The following ADGRL2 variants were observed in gnomAD, a reference collection of about 807,000 sequenced individuals.
The protein encoded by ADGRL2 is adhesion G protein-coupled receptor L2.
A neutral mutation model predicts 157.4 loss-of-function variants in ADGRL2; 44 were observed. The observed-to-expected ratio is 0.28, with a 90% CI of 0.22 to 0.36. The LOEUF (loss-of-function observed/expected upper bound fraction) is 0.36, where lower values mean the gene tolerates loss of function less well. Ranked by LOEUF, ADGRL2 falls within the 10% of genes least tolerant of loss-of-function variation. ADGRL2 has a pLI of 1.00. For synonymous variants in ADGRL2, 585 were observed against 624.7 expected, an observed-to-expected ratio of 0.94 and a Z score of 0.95; for missense variants, 1,510 against 1,768.9, an observed-to-expected ratio of 0.85 and a Z score of 2.63.
chr1:81,417,697 A>G (rs1270814418), intron 1 of ADGRL2, among the ~76,000 whole-genome samples: 2 of 152,172 alleles, frequency 1.3e-5, no homozygotes, highest in Admixed American at 6.5e-5. Context: ...GTTATTTCAT[A>G]ATTTCAGTTC....
intron 2 of ADGRL2, among the ~76,000 whole-genome samples, chr1:81,487,724 C>A (rs2078539307): frequency 6.6e-6 from 1 of 151,906 alleles, no homozygotes; most frequent in Non-Finnish European, 1.5e-5. Context: ...ATTGTATATT[C>A]AATAATGCTG....
At chr1:81,660,531 A>G (rs2082628966) in intron 3 of ADGRL2, among the ~76,000 whole-genome samples, 1 of 152,126 alleles carries the variant, frequency 6.6e-6, no homozygotes, top group Non-Finnish European at 1.5e-5. Context: ...CCACATCCAC[A>G]TTCAATCTCC....
intron 3 of ADGRL2, among the ~76,000 whole-genome samples, chr1:81,645,195 G>C (rs1328337313): frequency 1.3e-5 from 2 of 151,844 alleles, no homozygotes; most frequent in Admixed American, 6.6e-5. Flanking sequence ...TTCAAGACCA[G>C]CCTGGGCAAC....
At chr1:81,437,052 T>C (rs556111047) in intron 1 of ADGRL2, among the ~76,000 whole-genome samples, 3 of 152,362 alleles carry the variant, frequency 2.0e-5, no homozygotes, top group East Asian at 1.9e-4. Flanking sequence ...GTAGTAATGA[T>C]AACTAATCCC....
intron 1 of ADGRL2, among the ~76,000 whole-genome samples, chr1:81,320,925 C>A (rs985732563): frequency 1.3e-5 from 2 of 152,206 alleles, no homozygotes; most frequent in Admixed American, 6.5e-5. Context: ...TGAAGCCAAG[C>A]ATCGACTTCT....
intron 2 of ADGRL2, among the ~76,000 whole-genome samples, chr1:81,766,487 A>G (rs933238078): frequency 4.6e-5 from 7 of 152,136 alleles, no homozygotes; most frequent in Non-Finnish European, 1.0e-4. Flanking sequence ...TTCCTTTACA[A>G]TTCTAAAAAA....
At chr1:81,677,233 C>T (rs1157737448) in intron 3 of ADGRL2, among the ~76,000 whole-genome samples, 2 of 152,170 alleles carry the variant, frequency 1.3e-5, no homozygotes, top group Non-Finnish European at 2.9e-5. Context: ...GATCTGCCTG[C>T]CTCGGCCTCC....
chr1:81,492,915 G>A (rs2078662492), intron 2 of ADGRL2, among the ~76,000 whole-genome samples: 1 of 152,136 alleles, frequency 6.6e-6, no homozygotes, highest in South Asian at 2.1e-4. Flanking sequence ...GAATAGAAGA[G>A]TATGTGAGTG....
At chr1:81,530,845 G>T (rs1008470441) in intron 2 of ADGRL2, among the ~76,000 whole-genome samples, 1 of 152,092 alleles carries the variant, frequency 6.6e-6, no homozygotes, top group African/African-American at 2.4e-5. Context: ...AGCACTTTGG[G>T]AGGCCAAGGC....
At chr1:81,697,412 T>C (rs1400612331), upstream of ADGRL2, among the ~76,000 whole-genome samples, 2 of 152,188 alleles carry the variant, frequency 1.3e-5, no homozygotes, top group Non-Finnish European at 2.9e-5. Flanking sequence ...TTGTTGCCAA[T>C]CTGAAGAGAG....
In ADGRL2 at chr1:81,986,922, T is replaced by C. The variant is rs1238678092; in HGVS notation, c.3530T>C (p.Leu1177Pro). ...LNQGMTGNYLLTNPLLRPHGT... is the reference protein window; with the variant it reads ...LNQGMTGNYLPTNPLLRPHGT... ...TTAGGAATGACTGGCAATTACCTAC[T>C]AACAAACCCTCTTCTTCGACCCCAC... Residue 1177 changes from leucine (L) to proline (P), a missense_variant, in exon 22 of 24, where the codon CTA (leucine) becomes CCA (proline). Around this residue, in one of 4 missense-constraint regions of ADGRL2, gnomAD observed 497 missense variants for 627.2 expected, o/e 0.79. Coordinates refer to ENST00000686636, the MANE Select transcript of ADGRL2 (RefSeq NM_001366006.2). 8.1e-6 allele frequency: 13 copies of C among 1,610,738 alleles called. No homozygotes were observed. The highest frequency in any genetic ancestry group is 2.2e-5 in the East Asian group (1 of 44,808).
At chr1:81,672,342 T>C (rs533911045) in intron 3 of ADGRL2, among the ~76,000 whole-genome samples, 1 of 152,320 alleles carries the variant, frequency 6.6e-6, no homozygotes, top group South Asian at 2.1e-4. Flanking sequence ...TGTTGCTTTC[T>C]TGGATGGATG....
At chr1:81,955,842 G>A (rs765004263) in intron 10 of ADGRL2, 35 bp from the exon 11 acceptor site, 27 of 1,409,262 alleles carry the variant, frequency 1.9e-5, no homozygotes, top group Admixed American at 2.4e-5. Flanking sequence ...TTCTAAAAGC[G>A]GTCAAAACTA....
chr1:81,557,486 A>AAAGAAAG (rs1557458996), intron 2 of ADGRL2: 21 of 101,370 alleles, frequency 2.1e-4, no homozygotes, highest in Non-Finnish European at 2.7e-4. Context: ...AAGAAAGAAG[A>AAAGAAAG]AAGAAAGAAA....
intron 2 of ADGRL2, among the ~76,000 whole-genome samples, chr1:81,870,038 T>TA (rs145362084): frequency 0.27 from 41,142 of 151,964 alleles, 6,340 homozygotes; most frequent in Middle Eastern, 0.51. Flanking sequence ...AAATAACACT[T>TA]AAAGACTTAG....
chr1:81,920,874 CAAA>C (rs370702752), intron 3 of ADGRL2, among the ~76,000 whole-genome samples: 2 of 147,496 alleles, frequency 1.4e-5, no homozygotes, highest in African/African-American at 5.0e-5. Context: ...AAAAAAAAAA[CAAA>C]AAAAAAGCCC....
intron 1 of ADGRL2, among the ~76,000 whole-genome samples, chr1:81,414,944 T>C (rs2077008504): frequency 6.6e-6 from 1 of 152,204 alleles, no homozygotes; most frequent in Non-Finnish European, 1.5e-5. Flanking sequence ...TCATCTTCCG[T>C]TTCCCATCTG....
chr1:81,465,639 C>G (rs1046624114), intron 2 of ADGRL2, among the ~76,000 whole-genome samples: 4 of 152,078 alleles, frequency 2.6e-5, no homozygotes, highest in Admixed American at 2.6e-4. Flanking sequence ...ACACTAACTC[C>G]TAGTTTTACG....
Position 81,876,270 on chromosome 1 carries a change from C to T in ADGRL2, c.74-30747C>T, listed in dbSNP as rs12064681. Among the ~76,000 whole-genome samples, 897 of 152,046 alleles carry T rather than the reference C, an allele frequency of 5.9e-3. 7 individuals are homozygous for T. Among genetic ancestry groups the T allele is most frequent in the African/African-American group, 0.016 (651 of 41,512 alleles). On this transcript the variant is annotated intron_variant, in intron 2 of 23. Coordinates refer to ENST00000686636, the MANE Select transcript of ADGRL2 (RefSeq NM_001366006.2). ...TGTGTTTCTGAAATATTTTTTGAAGCGGATACTTGTAAGTTAAATACCTTT... is the reference window on the plus strand; with the variant it reads ...TGTGTTTCTGAAATATTTTTTGAAGTGGATACTTGTAAGTTAAATACCTTT...
Sources: allele counts gnomAD v4.1 joint callset (sites outside exome capture counted in the v4.1 genomes callset), GRCh38; gene constraint gnomAD v4.1.1; regional missense constraint gnomAD v4.1.1; transcripts MANE v1.5; gene names NCBI Gene and HGNC (gene_info 2026-07-23, HGNC 2026-07-21).